The following MINDY4B variants were observed in gnomAD, a reference collection of about 807,000 sequenced individuals.
The protein encoded by MINDY4B is inactive ubiquitin carboxyl-terminal hydrolase MINDY-4B.
In MINDY4B, 25 loss-of-function variants were observed where a neutral mutation model predicts 16.7. The ratio of observed to expected loss-of-function variants is 1.49; its 90% CI spans 1.09 to 2.09. The LOEUF is 2.09. Among genes scored for constraint, MINDY4B ranks in the 30% most tolerant of loss-of-function variants. The pLI is 0.00. For synonymous variants in MINDY4B, 132 were observed against 61.9 expected, an observed-to-expected ratio of 2.13 and a Z score of -5.32; for missense variants, 327 against 168.4, an observed-to-expected ratio of 1.94 and a Z score of -5.21.
intron 10 of MINDY4B, among the ~76,000 whole-genome samples, chr3:150,873,629 G>A (rs1391570174): frequency 6.6e-6 from 1 of 152,146 alleles, no homozygotes; most frequent in East Asian, 1.9e-4. Flanking sequence ...CACAGAGGAG[G>A]CAAAACAACT....
chr3:150,892,743 G>A (rs913232178), intron 5 of MINDY4B, among the ~76,000 whole-genome samples: 6 of 150,530 alleles, frequency 4.0e-5, no homozygotes, highest in Non-Finnish European at 7.4e-5. Flanking sequence ...TCAGGAGTTC[G>A]AGACCAGCCT....
intron 10 of MINDY4B, among the ~76,000 whole-genome samples, chr3:150,880,426 GA>G: frequency 6.6e-6 from 1 of 152,346 alleles, no homozygotes; most frequent in South Asian, 2.1e-4. Flanking sequence ...TTGTGTAGGA[GA>G]AGAAGTGGAT....
intron 6 of MINDY4B, 145 bp downstream of exon 6, chr3:150,890,793 G>T (rs1711779317): frequency 3.4e-6 from 2 of 591,092 alleles, no homozygotes; most frequent in South Asian, 2.0e-5. Context: ...ATCACTTACA[G>T]CCCTTGGTAC....
intron 11 of MINDY4B, 77 bp downstream of exon 11, chr3:150,873,110 C>A: frequency 1.6e-6 from 1 of 625,826 alleles, no homozygotes; most frequent in Non-Finnish European, 2.9e-6. Context: ...TGAATATCCA[C>A]ACAGTTGTTA....
chr3:150,904,831 A>G (rs1025026726), intron 2 of MINDY4B, among the ~76,000 whole-genome samples: 2 of 152,252 alleles, frequency 1.3e-5, no homozygotes, highest in Non-Finnish European at 2.9e-5. Context: ...AATAATAACC[A>G]TATGATGCTC....
At chr3:150,904,606 A>G (rs532314315) in intron 2 of MINDY4B, among the ~76,000 whole-genome samples, 1 of 152,326 alleles carries the variant, frequency 6.6e-6, no homozygotes, top group South Asian at 2.1e-4. Context: ...TATATTGTAT[A>G]TCAGATTTTA....
chr3:150,895,416 T>C lies in MINDY4B; in HGVS notation c.310-1111A>G, dbSNP rs570972380. The stretch of plus-strand genomic sequence containing the variant: ...GCTGAGAAATCTGCTGTTAATATGA[T>C]AGGTTTTCCTTCATAGGTTACTTGG... On this transcript the variant is annotated intron_variant, in intron 3 of 11. Transcript: ENST00000465419. 3.8e-4 allele frequency among the ~76,000 whole-genome samples: 58 copies of C among 152,316 alleles called. 1 individual carries two copies. In the South Asian group the frequency reaches 5.6e-3, roughly 15 times the overall value.
chr3:150,896,352 G>A (rs7611763), intron 3 of MINDY4B, among the ~76,000 whole-genome samples: 2,193 of 151,916 alleles, frequency 0.014, 60 homozygotes, highest in African/African-American at 0.05. Context: ...AATAACCAAC[G>A]TCCTGAATCC....
chr3:150,871,765 A>T (rs1415410477), intron 11 of MINDY4B, among the ~76,000 whole-genome samples: 3 of 152,172 alleles, frequency 2.0e-5, no homozygotes, highest in Non-Finnish European at 2.9e-5. Context: ...GAATCACTTG[A>T]ACCTGGGAGG....
intron 10 of MINDY4B, among the ~76,000 whole-genome samples, chr3:150,879,153 T>A (rs531632018): frequency 3.9e-5 from 6 of 152,210 alleles, no homozygotes; most frequent in Non-Finnish European, 8.8e-5. Context: ...AAAGAAGATA[T>A]ACTCTTTCTT....
intron 10 of MINDY4B, among the ~76,000 whole-genome samples, chr3:150,878,575 A>C (rs1711500471): frequency 6.6e-6 from 1 of 152,218 alleles, no homozygotes; most frequent in African/African-American, 2.4e-5. Flanking sequence ...TGAGTCCAAG[A>C]AAGAAGAATG....
intron 10 of MINDY4B, among the ~76,000 whole-genome samples, chr3:150,877,745 C>G (rs1459327224): frequency 6.6e-6 from 1 of 152,070 alleles, no homozygotes; most frequent in Non-Finnish European, 1.5e-5. Context: ...GCACAACTGT[C>G]ATGCTGTGAT....
chr3:150,873,303 C>G lies in MINDY4B; in HGVS notation c.1124G>C (p.Ser375Thr), dbSNP rs1238507368. 2 of 702,676 alleles carry G rather than the reference C, an allele frequency of 2.8e-6. No individual in the cohort carries two copies. The highest frequency in any genetic ancestry group is 4.0e-5 in the Admixed American group (2 of 49,960). The allele number at this position is 702,676 out of a possible 1,614,324, so 43.5% of individuals were successfully genotyped here. ...CTGCCTGTTTGTGCAAAAAAGGATG[C>G]TGTAATTTCCATTGATGTTGCACAG... ...IWLCNINGNY[S>T]ILFCTNRQLL... The change falls in exon 11 of 12, where the codon AGC (serine) becomes ACC (threonine). Residue 375 changes from serine (S) to threonine (T), a missense_variant. Physicochemically the swap from Ser to Thr is moderately conservative, Grantham distance 58. Transcript: ENST00000465419.
intron 2 of MINDY4B, 131 bp downstream of exon 2, chr3:150,904,931 T>C (rs1712204436): frequency 2.5e-6 from 1 of 397,382 alleles, no homozygotes; most frequent in Non-Finnish European, 4.4e-6. Context: ...TCTAGTTTTA[T>C]GTTTTCACGC....
rs978176536 is a variant in MINDY4B at position 150,873,334 on chromosome 3, T to C, written c.1093A>G (p.Ile365Val). The change falls in exon 11 of 12, where the codon ATT becomes GTT. Residue 365 changes from isoleucine (I) to valine (V), a missense_variant. Ile to Val is a conservative substitution (Grantham distance 29). Transcript: ENST00000465419. ...GSMLKTPKLP[I>V]WLCNINGNYS... ...TTTCCATTGATGTTGCACAGCCAAA[T>C]AGGTAATTTGGGAGTCTTCAGCATG... 2.8e-6 allele frequency: 2 copies of C among 702,594 alleles called. No homozygotes were observed. Among genetic ancestry groups the C allele is most frequent in the East Asian group, 2.7e-5 (1 of 37,300 alleles). The allele number at this position is 702,594 out of a possible 1,614,324, so 43.5% of individuals were successfully genotyped here.
At chr3:150,879,424 CAATT>C (rs1335791664) in intron 10 of MINDY4B, among the ~76,000 whole-genome samples, 1 of 152,146 alleles carries the variant, frequency 6.6e-6, no homozygotes, top group Non-Finnish European at 1.5e-5. Context: ...CCACAGCAAA[CAATT>C]AACCACTTCA....
At chr3:150,879,787 A>G (rs567077703) in intron 10 of MINDY4B, among the ~76,000 whole-genome samples, 57 of 152,264 alleles carry the variant, frequency 3.7e-4, no homozygotes, top group African/African-American at 1.3e-3. Flanking sequence ...ATAGTTGTAA[A>G]AGATCTCCAG....
At chr3:150,892,797 A>T (rs926227553) in intron 5 of MINDY4B, among the ~76,000 whole-genome samples, 2 of 150,728 alleles carry the variant, frequency 1.3e-5, no homozygotes, top group Non-Finnish European at 3.0e-5. Flanking sequence ...AAAAAAAAAA[A>T]TACAAAAAAT....
intron 10 of MINDY4B, among the ~76,000 whole-genome samples, chr3:150,880,788 C>T (rs1260162321): frequency 6.6e-6 from 1 of 152,152 alleles, no homozygotes; most frequent in African/African-American, 2.4e-5. Flanking sequence ...TCCAGTATAT[C>T]ACCCCATTTT....
Sources: allele counts gnomAD v4.1 joint callset (sites outside exome capture counted in the v4.1 genomes callset), GRCh38; gene constraint gnomAD v4.1.1; transcripts MANE v1.5; gene names NCBI Gene and HGNC (gene_info 2026-07-23, HGNC 2026-07-21).